DNTT: variants seen among roughly 807,000 people sequenced by gnomAD.
DNTT encodes nucleosidetriphosphate:DNA deoxynucleotidylexotransferase.
DNTT carries 47 observed loss-of-function variants against 60.9 expected under a neutral mutation model. The observed-to-expected ratio is 0.77, with a 90% CI of 0.61 to 0.98. DNTT has a LOEUF of 0.98. DNTT is among the 50% of genes least tolerant of loss of function. The pLI is 0.00. For synonymous variants in DNTT, 224 were observed against 221.2 expected, an observed-to-expected ratio of 1.01 and a Z score of -0.11; for missense variants, 665 against 627.5, an observed-to-expected ratio of 1.06 and a Z score of -0.64.
chr10:96,320,712 T>G lies in DNTT; in HGVS notation c.602T>G (p.Leu201Arg), dbSNP rs749245000. The change falls in exon 4 of 11, where the codon CTG becomes CGG. Residue 201 changes from leucine to arginine, a missense_variant. Physicochemically the swap from Leu to Arg is moderately radical, Grantham distance 102 (BLOSUM62 -2). Coordinates refer to ENST00000371174, the MANE Select transcript of DNTT (RefSeq NM_004088.4). ...AGAGCAGCTTCTGTATTGAAATCTC[T>G]GCCATTCACAATCATCAGTATGAAG... ...FMRAASVLKS[L>R]PFTIISMKDT... 6.2e-7 allele frequency: 1 copy of G among 1,613,916 alleles called. No homozygotes were observed.
Position 96,327,283 on chromosome 10 carries a change from G to C in DNTT, c.875-185G>C, listed in dbSNP as rs570272777. Among the ~76,000 whole-genome samples the C allele has an allele frequency of 3.9e-5, 6 of 152,212 alleles. No individual in the cohort carries two copies. In the South Asian group the frequency reaches 1.0e-3, roughly 26 times the overall value. ...CTAGGTTAGAAAGCAAAGAACCACT[G>C]TTACCCTGAAAAATTCACAACCAGG... On this transcript the variant is annotated intron_variant, in intron 6 of 10. Transcript: ENST00000371174.
chr10:96,325,732 T>C (rs1844932467), intron 6 of DNTT, among the ~76,000 whole-genome samples: 1 of 152,174 alleles, frequency 6.6e-6, no homozygotes, highest in African/African-American at 2.4e-5. Flanking sequence ...CCCCCACAAG[T>C]AGTTATAGGC....
intron 8 of DNTT, among the ~76,000 whole-genome samples, 161 bp from the exon 9 acceptor site, chr10:96,332,190 T>C (rs983912391): frequency 2.6e-5 from 4 of 152,246 alleles, no homozygotes; most frequent in Admixed American, 2.6e-4. Flanking sequence ...AACCACTTTC[T>C]TAGTGTTTTC....
chr10:96,321,774 G>C (rs12569756), intron 4 of DNTT, among the ~76,000 whole-genome samples: 9,902 of 152,112 alleles, frequency 0.065, 1,128 homozygotes, highest in East Asian at 0.54. Flanking sequence ...GACATTCCTG[G>C]TTTGGAGGGG....
At chr10:96,336,083 T>C (rs1845065833) in intron 10 of DNTT, 109 bp downstream of exon 10, 2 of 1,064,944 alleles carry the variant, frequency 1.9e-6, no homozygotes, top group Admixed American at 1.8e-5. Context: ...TCCTTTGTCA[T>C]GCGTGTTCTA....
Position 96,338,205 on chromosome 10 carries a change from C to A in DNTT, c.1511C>A (p.Pro504Gln). 1 of 1,611,090 alleles carries A rather than the reference C, an allele frequency of 6.2e-7. No homozygotes were observed. Among genetic ancestry groups the A allele is most frequent in the Non-Finnish European group, 8.5e-7 (1 of 1,179,120 alleles). ...CATCTGGGATTGGATTATATTGAAC[C>A]GTGGGAAAGAAATGCCTAGGAAAGT... Reference protein sequence around the residue: ...FAHLGLDYIEPWERNA With the variant: ...FAHLGLDYIEQWERNA The change falls in exon 11 of 11, where the codon CCG becomes CAG. Residue 504 changes from proline (P) to glutamine (Q), a missense_variant. Physicochemically the swap from Pro to Gln is moderately conservative, Grantham distance 76. Coordinates refer to ENST00000371174, the MANE Select transcript of DNTT (RefSeq NM_004088.4).
intron 10 of DNTT, among the ~76,000 whole-genome samples, chr10:96,337,637 G>T (rs1316324307): frequency 2.0e-5 from 3 of 152,362 alleles, no homozygotes; most frequent in African/African-American, 7.2e-5. Flanking sequence ...AGATCACAGA[G>T]TGGGATCCTG....
At chr10:96,318,589 A>C in intron 2 of DNTT, 63 bp downstream of exon 2, 1 of 1,560,796 alleles carries the variant, frequency 6.4e-7, no homozygotes, top group Non-Finnish European at 8.7e-7. Context: ...TAGGCTTAGG[A>C]TCAACGGAGC....
At chr10:96,307,343 G>GTTTTTTTTTT (rs533516556) in intron 1 of DNTT, among the ~76,000 whole-genome samples, 2 of 67,606 alleles carry the variant, frequency 3.0e-5, no homozygotes, top group African/African-American at 1.3e-4. Flanking sequence ...GGGTTTTCCA[G>GTTTTTTTTTT]TTTTTTTTTT....
At chr10:96,305,629 A>G (rs1159275528) in intron 1 of DNTT, among the ~76,000 whole-genome samples, 1 of 152,236 alleles carries the variant, frequency 6.6e-6, no homozygotes, top group African/African-American at 2.4e-5. Flanking sequence ...TTTTCAGGCA[A>G]AACTATAAAA....
intron 6 of DNTT, 57 bp from the exon 7 acceptor site, chr10:96,327,411 G>T (rs1844948209): frequency 1.2e-6 from 2 of 1,613,316 alleles, no homozygotes; most frequent in South Asian, 1.1e-5. Flanking sequence ...TCTACTGAGG[G>T]CTGGTTGTTT....
At chr10:96,334,313 G>A (rs1845042157) in intron 9 of DNTT, among the ~76,000 whole-genome samples, 1 of 152,136 alleles carries the variant, frequency 6.6e-6, no homozygotes, top group South Asian at 2.1e-4. Flanking sequence ...GAGACATTAG[G>A]TGACATGATG....
chr10:96,332,422 T>A lies in DNTT; in HGVS notation c.1185T>A (p.Asp395Glu), dbSNP rs1564875039. 6.2e-7 allele frequency: 1 copy of A among 1,614,216 alleles called. No homozygotes were observed. Among genetic ancestry groups the A allele is most frequent in the Non-Finnish European group, 8.5e-7 (1 of 1,180,010 alleles). ...TCAGGTTGCCTAGCAGGAAGGTTGA[T>A]GCTTTGGATCATTTTCAAAAGTGCT... ...EKLRLPSRKV[D>E]ALDHFQKCFL... The change falls in exon 9 of 11, where the codon GAT becomes GAA. Residue 395 changes from aspartate (D) to glutamate (E), a missense_variant. Coordinates refer to ENST00000371174, the MANE Select transcript of DNTT (RefSeq NM_004088.4).
chr10:96,309,004 G>A (rs1844676871), intron 1 of DNTT, among the ~76,000 whole-genome samples: 1 of 152,160 alleles, frequency 6.6e-6, no homozygotes, highest in African/African-American at 2.4e-5. Context: ...CCTGGCCTGG[G>A]CTCAGAGGCC....
chr10:96,320,954 C>G lies in DNTT; in HGVS notation c.678+166C>G, dbSNP rs539347244. Among the ~76,000 whole-genome samples the G allele has an allele frequency of 5.1e-3, 774 of 151,968 alleles. 4 individuals carry two copies. Among genetic ancestry groups the G allele is most frequent in the African/African-American group, 0.017 (703 of 41,456 alleles). On this transcript the variant is annotated intron_variant, in intron 4 of 10. Transcript: ENST00000371174. Reference sequence around the variant, plus strand: ...CTCTCCTCTGTCTCTCTCTCTCTCTCTCTCTCTCTCTCTCTGTTTATTTTT... The same window carrying G: ...CTCTCCTCTGTCTCTCTCTCTCTCTGTCTCTCTCTCTCTCTGTTTATTTTT...
At chr10:96,311,922 G>T (rs1374736628) in intron 1 of DNTT, among the ~76,000 whole-genome samples, 1 of 152,180 alleles carries the variant, frequency 6.6e-6, no homozygotes, top group African/African-American at 2.4e-5. Context: ...GGGATTATAG[G>T]CATAAGCCAC....
At chr10:96,320,523 T>C in intron 3 of DNTT, 95 bp from the exon 4 acceptor site, 1 of 1,412,234 alleles carries the variant, frequency 7.1e-7, no homozygotes. Flanking sequence ...CAAGTGGTAT[T>C]CCAATATTTA....
chr10:96,321,150 G>A (rs1223378969), intron 4 of DNTT, among the ~76,000 whole-genome samples: 2 of 152,096 alleles, frequency 1.3e-5, no homozygotes, highest in South Asian at 2.1e-4. Context: ...GAATTCGACT[G>A]GGGGGCATAA....
intron 9 of DNTT, among the ~76,000 whole-genome samples, 182 bp downstream of exon 9, chr10:96,332,778 A>G (rs771796154): frequency 2.0e-5 from 3 of 152,202 alleles, no homozygotes; most frequent in Non-Finnish European, 4.4e-5. Flanking sequence ...AGATTAATTT[A>G]GAACAGTTAT....
Sources: allele counts gnomAD v4.1 joint callset (sites outside exome capture counted in the v4.1 genomes callset), GRCh38; gene constraint gnomAD v4.1.1; transcripts MANE v1.5; gene names NCBI Gene and HGNC (gene_info 2026-07-23, HGNC 2026-07-21).